The following CCDC187 variants were observed in gnomAD, a reference collection of about 807,000 sequenced individuals.
CCDC187 encodes the protein coiled-coil domain containing 187.
In CCDC187, 32 loss-of-function variants were observed where a neutral mutation model predicts 38.0. That is an observed-to-expected ratio of 0.84 (90% CI 0.64 to 1.13). The LOEUF is 1.13. Ranked by LOEUF, CCDC187 falls within the 50% of genes most tolerant of loss-of-function variation. The pLI is 0.00. For synonymous variants in CCDC187, 333 were observed against 347.9 expected, an observed-to-expected ratio of 0.96 and a Z score of 0.48; for missense variants, 707 against 786.8, an observed-to-expected ratio of 0.90 and a Z score of 1.21.
rs568407019 is a variant in CCDC187 at position 136,257,844 on chromosome 9, G to A, written c.4367-1003C>T. Among the ~76,000 whole-genome samples, 4 of 152,258 alleles carry A rather than the reference G, an allele frequency of 2.6e-5. No homozygotes were observed. Among genetic ancestry groups the A allele is most frequent in the Non-Finnish European group, 4.4e-5 (3 of 68,006 alleles). On this transcript the variant is annotated intron_variant, in intron 22 of 25. Coordinates refer to ENST00000638797, the MANE Select transcript of CCDC187 (RefSeq NM_001378188.1). The surrounding 1 kb of genome is among the most constrained non-coding windows in gnomAD (Gnocchi z 4.5). Reference sequence around the variant, plus strand: ...CGTCACCCAGGGAGCCCCTGCAAGCGCAGTCTTTTGATCAGAGAGCGGCCG... The same window carrying A: ...CGTCACCCAGGGAGCCCCTGCAAGCACAGTCTTTTGATCAGAGAGCGGCCG...
chr9:136,284,163 T>G (rs1831115702), intron 9 of CCDC187, among the ~76,000 whole-genome samples: 1 of 151,878 alleles, frequency 6.6e-6, no homozygotes, highest in Non-Finnish European at 1.5e-5. Flanking sequence ...AGGCTGGGCT[T>G]CGGGAGAGGG....
upstream of CCDC187, among the ~76,000 whole-genome samples, chr9:136,305,739 C>A (rs2131377573): frequency 6.6e-6 from 1 of 152,346 alleles, no homozygotes; most frequent in Non-Finnish European, 1.5e-5. Flanking sequence ...TGACTGGGAA[C>A]AAAATCATGA....
At chr9:136,269,917 T>G (rs1830811833) in intron 14 of CCDC187, among the ~76,000 whole-genome samples, 1 of 152,198 alleles carries the variant, frequency 6.6e-6, no homozygotes, top group Non-Finnish European at 1.5e-5. Context: ...AAATGGAATG[T>G]GTAAACTGAT....
At chr9:136,292,654 C>T (rs1156312401) in intron 4 of CCDC187, among the ~76,000 whole-genome samples, 5 of 152,200 alleles carry the variant, frequency 3.3e-5, no homozygotes, top group Non-Finnish European at 7.4e-5. Context: ...GTGAAAGAAA[C>T]GCCGAGCAGC....
At chr9:136,289,470 G>T (rs1831258530) in intron 7 of CCDC187, among the ~76,000 whole-genome samples, 1 of 127,096 alleles carries the variant, frequency 7.9e-6, no homozygotes, top group Admixed American at 1.0e-4. Flanking sequence ...GGTGAGCCAA[G>T]ATCGTGCCAT....
rs1004863068 is a variant in CCDC187, at chr9:136,258,755, C to A, written c.4366+177G>T. The A allele has an allele frequency of 1.0e-6, 1 of 985,326 alleles. No homozygotes were observed. Among genetic ancestry groups the A allele is most frequent in the African/African-American group, 1.7e-5 (1 of 57,244 alleles). 61.0% of individuals were successfully genotyped at this position (985,326 alleles called of 1,614,324 possible). On this transcript the variant is annotated intron_variant, in intron 22 of 25. Transcript: ENST00000638797. The surrounding 1 kb of genome is among the most constrained non-coding windows in gnomAD (Gnocchi z 4.3). ...CGTCACCTCCGGTAGGAGATGGAGC[C>A]GGCCACTCTTCTTGCAGTGAAGGGG...
In CCDC187 at chr9:136,262,579, G is replaced by A. The variant is rs137901485; in HGVS notation, c.3913-117C>T. The stretch of plus-strand genomic sequence containing the variant: ...GCAGGGCTAGGGCAGTGCCGGGGCT[G>A]CTTGCTCCCCACTGGGTGCCAGGCT... On this transcript the variant is annotated intron_variant, in intron 18 of 25. Transcript: ENST00000638797. 9.0e-5 allele frequency: 77 copies of A among 852,278 alleles called. No homozygotes were observed. The African/African-American group carries it at 1.3e-3, about 14-fold the overall frequency. The allele number at this position is 852,278 out of a possible 1,614,324, so 52.8% of individuals were successfully genotyped here.
intron 7 of CCDC187, 54 bp downstream of exon 7, chr9:136,289,886 CGCACCCAGAACTGTTCTTG>C (rs1163794280): frequency 5.1e-6 from 2 of 390,630 alleles, no homozygotes; most frequent in African/African-American, 4.4e-5. Flanking sequence ...GGCCCCAGAA[CGCACCCAGAACTGTTCTTG>C]GCCCCCCCCA....
At chr9:136,279,516 C>G (rs1171861725) in intron 10 of CCDC187, among the ~76,000 whole-genome samples, 9 of 152,260 alleles carry the variant, frequency 5.9e-5, no homozygotes, top group African/African-American at 2.2e-4. Flanking sequence ...GAGCCTGACT[C>G]TGACCTCACC....
chr9:136,267,355 C>CG (rs1554761815), intron 16 of CCDC187, 29 bp downstream of exon 16: 3 of 963,124 alleles, frequency 3.1e-6, no homozygotes, highest in Admixed American at 6.7e-5. Context: ...TACGGCGGGG[C>CG]GGGGCCGGCG....
chr9:136,285,513 C>A lies in CCDC187; in HGVS notation c.2927G>T (p.Ser976Ile). Residue 976 changes from serine (S) to isoleucine (I), a missense_variant and splice_region_variant, in exon 9 of 26, where the codon AGC becomes ATC. Ser to Ile is a moderately radical substitution (Grantham distance 142). Coordinates refer to ENST00000638797, the MANE Select transcript of CCDC187 (RefSeq NM_001378188.1). The stretch of plus-strand genomic sequence containing the variant: ...TGGGCAGGTGGGCAGGTGGTCTTAC[C>A]TCCCCGCAGAGGGGCTGAGGGCCTG... ...PFQALSPSAG[S>I]SYAGPATLHP... 2.9e-6 allele frequency: 1 copy of A among 341,874 alleles called. No homozygotes were observed. The highest frequency in any genetic ancestry group is 5.1e-6 in the Non-Finnish European group (1 of 194,472). 21.2% of individuals were successfully genotyped at this position (341,874 alleles called of 1,614,324 possible). A position where few individuals can be genotyped will look rare whatever the true frequency, so the allele number is the denominator to read the frequency against.
At chr9:136,267,046 G>A (rs544387592) in intron 16 of CCDC187, 3 of 152,026 alleles carry the variant, frequency 2.0e-5, no homozygotes, top group South Asian at 4.1e-4. Flanking sequence ...CGCGCCACGC[G>A]CCTCTACACT....
intron 10 of CCDC187, among the ~76,000 whole-genome samples, chr9:136,278,857 G>T (rs1830982995): frequency 6.6e-6 from 1 of 152,252 alleles, no homozygotes; most frequent in South Asian, 2.1e-4. Flanking sequence ...ACATTTCATG[G>T]CTTGACAGCC....
At chr9:136,277,144 G>A (rs952238299) in intron 10 of CCDC187, among the ~76,000 whole-genome samples, 2,751 of 151,844 alleles carry the variant, frequency 0.018, 96 homozygotes, top group African/African-American at 0.064. Flanking sequence ...ATGTGACCTT[G>A]AACAAATCAC....
chr9:136,273,334 T>C (rs782280581), intron 14 of CCDC187, among the ~76,000 whole-genome samples: 1 of 152,162 alleles, frequency 6.6e-6, no homozygotes, highest in Non-Finnish European at 1.5e-5. Flanking sequence ...AGTGGAGATA[T>C]CATGAAACAC....
chr9:136,256,143 G>T (rs538177673), intron 24 of CCDC187, 68 bp downstream of exon 24: 5 of 837,624 alleles, frequency 6.0e-6, no homozygotes, highest in Non-Finnish European at 7.2e-6. Context: ...AGGGGGACAG[G>T]GGGTACCGGC....
intron 20 of CCDC187, among the ~76,000 whole-genome samples, chr9:136,259,786 G>C (rs1830659537): frequency 6.6e-6 from 1 of 152,186 alleles, no homozygotes; most frequent in South Asian, 2.1e-4. Flanking sequence ...TCTGAGGGCT[G>C]CACGTGGCCC....
At chr9:136,297,855 G>A in intron 3 of CCDC187, 34 bp from the exon 4 acceptor site, 1 of 358,010 alleles carries the variant, frequency 2.8e-6, no homozygotes. Flanking sequence ...GGGAGGGAGG[G>A]AGGGTGAGCA....
rs1161515259 is a variant in CCDC187 at position 136,257,209 on chromosome 9, CTA to C, written c.4367-370_4367-369del. 6.6e-6 allele frequency among the ~76,000 whole-genome samples: 1 copy of C among 152,076 alleles called. No homozygotes were observed. Among genetic ancestry groups the C allele is most frequent in the Non-Finnish European group, 1.5e-5 (1 of 68,016 alleles). On this transcript the variant is annotated intron_variant, in intron 22 of 25. Transcript: ENST00000638797. This position sits in a 1 kb window ranked among gnomAD's most constrained non-coding sequence, Gnocchi z 4.5. ...CCAATGTAGTGAAACCCCGTCTCTA[CTA>C]AAAATACAAAAATTAGGCGGGCATG...
Sources: allele counts gnomAD v4.1 joint callset (sites outside exome capture counted in the v4.1 genomes callset), GRCh38; gene constraint gnomAD v4.1.1; non-coding constraint Gnocchi (gnomAD v3.1); transcripts MANE v1.5; gene names NCBI Gene and HGNC (gene_info 2026-07-23, HGNC 2026-07-21).